TAF2: variants seen among roughly 807,000 people sequenced by gnomAD.
TAF2 encodes TATA-box binding protein associated factor 2.
In TAF2, 61 loss-of-function variants were observed where a neutral mutation model predicts 138.5. The ratio of observed to expected loss-of-function variants is 0.44; its 90% confidence interval spans 0.36 to 0.54. The LOEUF is 0.54. TAF2 is among the 20% of genes least tolerant of loss of function. The probability of loss-of-function intolerance (pLI) is 0.00; values close to 1 mark genes in which losing one functional copy is unlikely to be tolerated. For missense variants in TAF2, 1,090 were observed against 1,427.9 expected, an observed-to-expected ratio of 0.76 and a Z score of 3.81; for synonymous variants, 475 against 469.9, an observed-to-expected ratio of 1.01 and a Z score of -0.14.
intron 4 of TAF2, 81 bp downstream of exon 4, chr8:119,806,202 C>T: frequency 8.5e-7 from 1 of 1,172,732 alleles, no homozygotes; most frequent in Non-Finnish European, 1.3e-6. Flanking sequence ...GTGCCTGCAT[C>T]ATTAGTTCTC....
chr8:119,778,914 C>A (rs1379640431), intron 17 of TAF2, among the ~76,000 whole-genome samples: 1 of 152,122 alleles, frequency 6.6e-6, no homozygotes, highest in Non-Finnish European at 1.5e-5. Context: ...TATGGACTAG[C>A]CCCTCTTCTT....
At chr8:119,752,678 G>A (rs1030147239) in intron 22 of TAF2, among the ~76,000 whole-genome samples, 5 of 151,934 alleles carry the variant, frequency 3.3e-5, no homozygotes, top group South Asian at 2.1e-4. Context: ...TTTCTCTCTC[G>A]TTGAAAAGTT....
At chr8:119,800,692 T>C (rs1281512301) in intron 6 of TAF2, among the ~76,000 whole-genome samples, 3 of 152,178 alleles carry the variant, frequency 2.0e-5, no homozygotes, top group African/African-American at 4.8e-5. Flanking sequence ...ACACAAAATA[T>C]CCTGAATCTT....
At chr8:119,770,989 T>C (rs1299572453) in intron 18 of TAF2, among the ~76,000 whole-genome samples, 1 of 152,038 alleles carries the variant, frequency 6.6e-6, no homozygotes, top group Admixed American at 6.5e-5. Flanking sequence ...AAGAACTGCT[T>C]GAACCTGGGA....
rs369359081 is a variant in TAF2, at chr8:119,771,447, G to GTTGAT, written c.2364+6571_2364+6572insATCAA. Among the ~76,000 whole-genome samples the GTTGAT allele has an allele frequency of 8.0e-3, 1,221 of 152,100 alleles. 17 individuals are homozygous for GTTGAT. The highest frequency in any genetic ancestry group is 0.028 in the African/African-American group (1,152 of 41,488). On this transcript the variant is annotated intron_variant, in intron 18 of 25. Coordinates refer to ENST00000378164, the MANE Select transcript of TAF2 (RefSeq NM_003184.4). ...GACGAGGTTTCACCATGTTGGCCAG[G>GTTGAT]CTGATCTTGTACTCCTGACTTCAAG...
chr8:119,747,708 TA>T, intron 22 of TAF2, among the ~76,000 whole-genome samples: 1 of 152,286 alleles, frequency 6.6e-6, no homozygotes, highest in African/African-American at 2.4e-5. Context: ...TAGAACTGAC[TA>T]AAAAGATGAA....
intron 4 of TAF2, among the ~76,000 whole-genome samples, chr8:119,804,737 T>G (rs894172701): frequency 2.0e-5 from 3 of 152,194 alleles, no homozygotes; most frequent in African/African-American, 7.2e-5. Flanking sequence ...GAAAACGGAC[T>G]AATACACTTA....
chr8:119,818,527 A>G (rs754435095), intron 3 of TAF2, among the ~76,000 whole-genome samples: 17 of 152,226 alleles, frequency 1.1e-4, no homozygotes, highest in Non-Finnish European at 2.5e-4. Flanking sequence ...TTTAAACACT[A>G]GGGCACAATC....
At chr8:119,778,839 A>T (rs1174155696) in intron 17 of TAF2, among the ~76,000 whole-genome samples, 1 of 152,244 alleles carries the variant, frequency 6.6e-6, no homozygotes, top group Non-Finnish European at 1.5e-5. Flanking sequence ...AGTAAAACAA[A>T]GCTAATTAAA....
At chr8:119,823,667 A>G (rs1406235143) in intron 2 of TAF2, among the ~76,000 whole-genome samples, 3 of 152,194 alleles carry the variant, frequency 2.0e-5, no homozygotes, top group Non-Finnish European at 4.4e-5. Context: ...GTAAACTGCT[A>G]CCAACAGAGT....
chr8:119,816,212 G>A (rs972693557), intron 3 of TAF2, among the ~76,000 whole-genome samples: 2 of 151,552 alleles, frequency 1.3e-5, no homozygotes, highest in African/African-American at 2.4e-5. Flanking sequence ...TACTACACCC[G>A]GCTAATTTTT....
chr8:119,762,288 G>T, intron 19 of TAF2, 127 bp downstream of exon 19: 1 of 871,596 alleles, frequency 1.1e-6, no homozygotes, highest in East Asian at 2.7e-5. Flanking sequence ...TCTGTGGGTG[G>T]TAGAATCATA....
chr8:119,796,963 A>G, intron 8 of TAF2, 27 bp downstream of exon 8: 1 of 1,455,112 alleles, frequency 6.9e-7, no homozygotes, highest in Non-Finnish European at 9.7e-7. Context: ...TTCTCTTCTC[A>G]GTAGTATGAA....
chr8:119,803,110 CA>C (rs1488728734), intron 5 of TAF2, among the ~76,000 whole-genome samples: 1 of 151,198 alleles, frequency 6.6e-6, no homozygotes, highest in East Asian at 1.9e-4. Context: ...GACTCTGTTT[CA>C]AAAAAAATAA....
chr8:119,798,886 ATTAATCATAT>A (rs1389005599), intron 6 of TAF2, among the ~76,000 whole-genome samples: 2 of 152,172 alleles, frequency 1.3e-5, no homozygotes, highest in African/African-American at 4.8e-5. Context: ...CTCTGTTTGT[ATTAATCATAT>A]TTAATCATAA....
intron 18 of TAF2, among the ~76,000 whole-genome samples, chr8:119,763,097 C>T (rs922851408): frequency 6.6e-6 from 1 of 152,130 alleles, no homozygotes; most frequent in Non-Finnish European, 1.5e-5. Context: ...TGTGATAACA[C>T]AAACTGCCAA....
At chr8:119,733,789 C>CA (rs879809360) in intron 25 of TAF2, among the ~76,000 whole-genome samples, 1 of 151,864 alleles carries the variant, frequency 6.6e-6, no homozygotes, top group Admixed American at 6.6e-5. Flanking sequence ...CGCCCCCCCC[C>CA]ATCCTAATCC....
At chr8:119,805,567 G>T (rs1180635511) in intron 4 of TAF2, among the ~76,000 whole-genome samples, 1 of 151,894 alleles carries the variant, frequency 6.6e-6, no homozygotes, top group South Asian at 2.1e-4. Flanking sequence ...TCAGCCAGGC[G>T]TGGTGGCAGG....
At position 119,797,884 on chromosome 8, in the gene TAF2, G is replaced by C. The variant is rs1423682294; in HGVS notation, c.793-38C>G. On this transcript the variant is annotated intron_variant, in intron 6 of 25. Transcript: ENST00000378164. ...AGCAAGGAAGATCATCTAAATGAAA[G>C]AGTTAAATTTAATATTGGAAATTTC... The C allele has an allele frequency of 3.8e-6, 6 of 1,599,046 alleles. No individual in the cohort carries two copies. In the African/African-American group the frequency reaches 8.1e-5, roughly 21 times the overall value.
Sources: allele counts gnomAD v4.1 joint callset (sites outside exome capture counted in the v4.1 genomes callset), GRCh38; gene constraint gnomAD v4.1.1; transcripts MANE v1.5; gene names NCBI Gene and HGNC (gene_info 2026-07-23, HGNC 2026-07-21).